PDE1C: variants seen among roughly 807,000 people sequenced by gnomAD.
PDE1C encodes the protein dual specificity calcium/calmodulin-dependent 3',5'-cyclic nucleotide phosphodiesterase 1C.
PDE1C carries 62 observed loss-of-function variants against 93.1 expected under a neutral mutation model. That is an observed-to-expected ratio of 0.67 (90% CI 0.54 to 0.82). The LOEUF (loss-of-function observed/expected upper bound fraction) is 0.82. Ranked by LOEUF, PDE1C falls within the 40% of genes least tolerant of loss-of-function variation. PDE1C has a pLI of 0.00. For synonymous variants in PDE1C, 325 were observed against 310.1 expected (o/e 1.05, Z -0.50); for missense variants, 742 against 884.6 (o/e 0.84, Z 2.04).
At chr7:32,224,940 T>A (rs1208095838) in intron 1 of PDE1C, among the ~76,000 whole-genome samples, 1 of 150,994 alleles carries the variant, frequency 6.6e-6, no homozygotes, top group African/African-American at 2.4e-5. Context: ...TGGAAGGGGA[T>A]GGGAGAAGGA....
At chr7:32,123,063 A>G (rs966827637) in intron 3 of PDE1C, among the ~76,000 whole-genome samples, 2 of 152,226 alleles carry the variant, frequency 1.3e-5, no homozygotes, top group African/African-American at 4.8e-5. Context: ...ACAAACTACC[A>G]TCAGAAAATA....
intron 1 of PDE1C, among the ~76,000 whole-genome samples, chr7:32,421,700 A>C (rs1192509631): frequency 6.6e-6 from 1 of 152,210 alleles, no homozygotes; most frequent in Non-Finnish European, 1.5e-5. Flanking sequence ...ATCAATAATA[A>C]GTAAAAAGTT....
intron 2 of PDE1C, among the ~76,000 whole-genome samples, chr7:32,191,334 A>G (rs999371111): frequency 7.8e-6 from 1 of 128,874 alleles, no homozygotes; most frequent in African/African-American, 2.6e-5. Flanking sequence ...GATTTCCATC[A>G]CCACAAAGAT....
intron 11 of PDE1C, among the ~76,000 whole-genome samples, chr7:31,835,296 A>C (rs977318499): frequency 3.3e-5 from 5 of 152,156 alleles, no homozygotes; most frequent in African/African-American, 1.2e-4. Context: ...TTTGGAGAAC[A>C]TCCTCCTACT....
chr7:32,129,035 T>C (rs971199356), intron 3 of PDE1C, among the ~76,000 whole-genome samples: 2 of 148,312 alleles, frequency 1.3e-5, no homozygotes, highest in African/African-American at 4.9e-5. Flanking sequence ...ACAATATAAT[T>C]TGTGCAGTCA....
intron 1 of PDE1C, among the ~76,000 whole-genome samples, chr7:32,219,601 C>A (rs990367327): frequency 3.9e-5 from 6 of 152,186 alleles, no homozygotes; most frequent in Non-Finnish European, 8.8e-5. Context: ...GATGTGAATT[C>A]TTCCTTGTGG....
intron 3 of PDE1C, among the ~76,000 whole-genome samples, chr7:32,118,382 G>GC (rs2128761833): frequency 6.6e-6 from 1 of 152,256 alleles, no homozygotes; most frequent in South Asian, 2.1e-4. Flanking sequence ...AGAGGAAAAA[G>GC]CCCCAATAAA....
intron 2 of PDE1C, among the ~76,000 whole-genome samples, chr7:32,020,754 C>G (rs895939534): frequency 1.3e-5 from 2 of 152,092 alleles, no homozygotes; most frequent in East Asian, 3.9e-4. Context: ...AAATTTTACA[C>G]AAATCTAAAT....
chr7:31,748,591 G>A (rs1489297807), downstream of PDE1C, among the ~76,000 whole-genome samples: 1 of 152,208 alleles, frequency 6.6e-6, no homozygotes, highest in African/African-American at 2.4e-5. Flanking sequence ...AGCTTTTCAT[G>A]TTCTGTGAAT....
At chr7:31,658,268 T>C in the PDE1C span, 74 of 1,503,038 alleles carry the variant, frequency 4.9e-5, no homozygotes, top group Admixed American at 7.8e-4. Flanking sequence ...TATTCTCTTA[T>C]AGGTGAATTA....
At chr7:31,745,820 T>A in the PDE1C span, among the ~76,000 whole-genome samples, 4 of 152,222 alleles carry the variant, frequency 2.6e-5, no homozygotes, top group Admixed American at 2.6e-4. Context: ...ATGTATTTAT[T>A]TATTGAACAG....
chr7:31,929,081 T>C (rs1803818121), intron 2 of PDE1C, among the ~76,000 whole-genome samples: 2 of 148,870 alleles, frequency 1.3e-5, no homozygotes, highest in Non-Finnish European at 3.0e-5. Context: ...AATAAAGGGA[T>C]GGAGGAATAT....
chr7:32,121,033 T>G lies in PDE1C; in HGVS notation c.308+48752A>C, dbSNP rs568891808. Among the ~76,000 whole-genome samples the G allele has an allele frequency of 3.2e-4, 48 of 152,266 alleles. 1 individual carries two copies. The highest frequency in any genetic ancestry group is 9.6e-4 in the African/African-American group (40 of 41,550). On this transcript the variant is annotated intron_variant, in intron 3 of 18. Coordinates refer to the PDE1C transcript ENST00000396193. The stretch of plus-strand genomic sequence containing the variant: ...AGAATAACCAGTTTAGAGAAGAACA[T>G]AAGTGACTTGATGGGGCTGAAAAAC...
upstream of PDE1C, among the ~76,000 whole-genome samples, chr7:32,304,327 A>G (rs371748555): frequency 5.3e-5 from 8 of 152,208 alleles, no homozygotes; most frequent in Admixed American, 3.9e-4. Flanking sequence ...TGGGTCTTCC[A>G]TCCTCGGCCC....
chr7:32,384,154 C>A (rs774486109), intron 1 of PDE1C, among the ~76,000 whole-genome samples: 2 of 152,150 alleles, frequency 1.3e-5, no homozygotes, highest in African/African-American at 4.8e-5. Flanking sequence ...AGGTATTTAA[C>A]AAGCTTGTAC....
intron 3 of PDE1C, among the ~76,000 whole-genome samples, chr7:32,100,837 T>C (rs763569616): frequency 2.6e-5 from 4 of 152,132 alleles, no homozygotes; most frequent in African/African-American, 4.8e-5. Flanking sequence ...ATGTTCTCCC[T>C]AGTATTCAAA....
At chr7:32,337,983 G>A (rs2128079017) in intron 1 of PDE1C, among the ~76,000 whole-genome samples, 1 of 152,188 alleles carries the variant, frequency 6.6e-6, no homozygotes, top group African/African-American at 2.4e-5. Context: ...TTAACTCAAA[G>A]ACCTAAACAT....
chr7:31,930,813 C>A (rs1804099107), intron 2 of PDE1C, among the ~76,000 whole-genome samples: 2 of 125,162 alleles, frequency 1.6e-5, no homozygotes, highest in African/African-American at 6.3e-5. Context: ...CATGCCACTG[C>A]AGTCCAGCCT....
intron 2 of PDE1C, among the ~76,000 whole-genome samples, chr7:32,000,019 T>C (rs949302232): frequency 2.0e-5 from 3 of 152,092 alleles, no homozygotes; most frequent in Admixed American, 6.5e-5. Flanking sequence ...GGCACAAATT[T>C]GGCAAGCTGC....
Sources: allele counts gnomAD v4.1 joint callset (sites outside exome capture counted in the v4.1 genomes callset), GRCh38; gene constraint gnomAD v4.1.1; transcripts MANE v1.5; gene names NCBI Gene and HGNC (gene_info 2026-07-23, HGNC 2026-07-21).